The following GNB1L variants were observed in gnomAD, a reference collection of about 807,000 sequenced individuals.
GNB1L encodes G protein subunit beta 1 like, also known as guanine nucleotide-binding protein subunit beta-like protein 1.
Under a neutral mutation model 29.1 loss-of-function variants are expected in GNB1L, and 20 were observed. The observed-to-expected ratio is 0.69, with a 90% CI of 0.48 to 1.00. GNB1L has a LOEUF of 1.00. Among genes scored for constraint, GNB1L ranks in the 50% least tolerant of loss-of-function variants. The probability of loss-of-function intolerance (pLI) is 0.00; values close to 1 mark genes in which losing one functional copy is unlikely to be tolerated. For synonymous variants in GNB1L, 193 were observed against 206.5 expected, an observed-to-expected ratio of 0.93 and a Z score of 0.56; for missense variants, 421 against 464.9, an observed-to-expected ratio of 0.91 and a Z score of 0.87.
chr22:19,812,491 G>C (rs1294940551), intron 4 of GNB1L, 44 bp from the exon 5 acceptor site: 1 of 1,563,668 alleles, frequency 6.4e-7, no homozygotes, highest in Admixed American at 1.8e-5. Context: ...CCCTTGACAA[G>C]TGTCAGCTCC....
At chr22:19,803,335 C>G (rs1443621831) in intron 6 of GNB1L, among the ~76,000 whole-genome samples, 1 of 152,178 alleles carries the variant, frequency 6.6e-6, no homozygotes, top group African/African-American at 2.4e-5. Flanking sequence ...GAGTGAGGCT[C>G]CAGGAGGAGG....
At chr22:19,852,546 G>A (rs917619354) in intron 2 of GNB1L, 14 of 418,722 alleles carry the variant, frequency 3.3e-5, no homozygotes, top group Non-Finnish European at 5.6e-5. Context: ...CCACTGGACT[G>A]GTGGGAAGAG....
intron 2 of GNB1L, among the ~76,000 whole-genome samples, chr22:19,841,804 C>T (rs1033571826): frequency 6.6e-6 from 1 of 152,160 alleles, no homozygotes; most frequent in Non-Finnish European, 1.5e-5. Flanking sequence ...TTATGACCAT[C>T]GTTACTTCCA....
intron 2 of GNB1L, among the ~76,000 whole-genome samples, chr22:19,852,934 C>T (rs1025191229): frequency 2.6e-5 from 4 of 152,110 alleles, no homozygotes; most frequent in African/African-American, 4.8e-5. Context: ...ATACAGCACG[C>T]GATTATAAAC....
intron 7 of GNB1L, among the ~76,000 whole-genome samples, chr22:19,795,657 A>G (rs936089384): frequency 4.6e-5 from 7 of 152,272 alleles, no homozygotes; most frequent in Admixed American, 4.6e-4. Context: ...GAACCTACAG[A>G]TCAAAGAGAA....
chr22:19,851,669 A>G, intron 2 of GNB1L: 3 of 1,595,314 alleles, frequency 1.9e-6, no homozygotes, highest in Non-Finnish European at 2.6e-6. Flanking sequence ...GCTGGAGGCC[A>G]GGGGCAGGGG....
At chr22:19,839,734 C>A (rs1256847486) in intron 2 of GNB1L, among the ~76,000 whole-genome samples, 3 of 152,126 alleles carry the variant, frequency 2.0e-5, no homozygotes, top group Middle Eastern at 3.4e-3. Flanking sequence ...CAAAAATTAG[C>A]CCAGGCGTGG....
At chr22:19,791,669 T>A (rs1015609882) in intron 7 of GNB1L, among the ~76,000 whole-genome samples, 14 of 152,156 alleles carry the variant, frequency 9.2e-5, no homozygotes, top group African/African-American at 3.4e-4. Flanking sequence ...ATGCTCACGG[T>A]GGACTCCACA....
intron 6 of GNB1L, among the ~76,000 whole-genome samples, chr22:19,806,329 G>A (rs1438575566): frequency 1.3e-5 from 2 of 152,368 alleles, no homozygotes; most frequent in African/African-American, 2.4e-5. Flanking sequence ...AAGTACTGAG[G>A]CGCTGGCAGA....
chr22:19,822,434 C>T (rs1436886726), intron 2 of GNB1L, among the ~76,000 whole-genome samples: 1 of 152,240 alleles, frequency 6.6e-6, no homozygotes, highest in Non-Finnish European at 1.5e-5. Context: ...CACAGGGCCT[C>T]GCACTCCACC....
Position 19,788,131 on chromosome 22 carries a change from T to C in GNB1L, c.*578A>G. ...TCACAGGCACCTTTCTCTGCTTCACTCTTTAGGGAGTTCAGTTACTTCCTG... is the reference window on the plus strand; with the variant it reads ...TCACAGGCACCTTTCTCTGCTTCACCCTTTAGGGAGTTCAGTTACTTCCTG... On this transcript the variant is annotated 3_prime_UTR_variant, in exon 8 of 8. Transcript: ENST00000329517. 5.7e-6 allele frequency: 1 copy of C among 175,514 alleles called. No homozygotes were observed. The highest frequency in any genetic ancestry group is 1.2e-5 in the Non-Finnish European group (1 of 82,622). 10.9% of individuals were successfully genotyped at this position (175,514 alleles called of 1,614,324 possible). A position where few individuals can be genotyped will look rare whatever the true frequency, so the allele number is the denominator to read the frequency against.
intron 2 of GNB1L, among the ~76,000 whole-genome samples, chr22:19,845,901 T>C (rs750911640): frequency 3.9e-5 from 6 of 152,214 alleles, no homozygotes; most frequent in Non-Finnish European, 8.8e-5. Flanking sequence ...AATGGGGACA[T>C]GGATGGTTTC....
At chr22:19,793,014 A>G in intron 7 of GNB1L, 2 of 1,592,654 alleles carry the variant, frequency 1.3e-6, no homozygotes, top group South Asian at 2.2e-5. Context: ...GGGCGGCAAC[A>G]TCCTGGGTCC....
At chr22:19,813,630 G>A (rs1156264105) in intron 4 of GNB1L, among the ~76,000 whole-genome samples, 1 of 152,192 alleles carries the variant, frequency 6.6e-6, no homozygotes, top group African/African-American at 2.4e-5. Flanking sequence ...AGAGGTTGTG[G>A]TGAGCCAAGA....
intron 2 of GNB1L, among the ~76,000 whole-genome samples, chr22:19,837,856 C>A (rs1937791545): frequency 6.6e-6 from 1 of 152,006 alleles, no homozygotes; most frequent in South Asian, 2.1e-4. Flanking sequence ...GTGAAAGAAG[C>A]CAGAAAAAGA....
chr22:19,844,409 T>C (rs1162762257), intron 2 of GNB1L, among the ~76,000 whole-genome samples: 1 of 152,150 alleles, frequency 6.6e-6, no homozygotes, highest in Non-Finnish European at 1.5e-5. Context: ...GACAAGGACA[T>C]GGATTAGTTT....
chr22:19,828,844 T>C (rs1216227453), intron 2 of GNB1L, among the ~76,000 whole-genome samples: 3 of 151,514 alleles, frequency 2.0e-5, no homozygotes, highest in Non-Finnish European at 4.4e-5. Context: ...TCTTTTTTTT[T>C]TTTTTGAGAC....
rs530939409 is a variant in GNB1L at position 19,788,763 on chromosome 22, G to A, written c.930C>T (p.Ala310=). The change falls in exon 8 of 8, where the codon GCC becomes GCT. Residue 310 remains alanine (A), a synonymous_variant. Transcript: ENST00000329517. The stretch of plus-strand genomic sequence containing the variant: ...TGATCCGCTGATCCTTGGAGCCCGC[G>A]GCCAGCAAGCCATCGGCGGTGAAGG... ...CVAFTADGLL[A]AGSKDQRISL... is the part of the protein sequence containing the mutation. The A allele has an allele frequency of 9.2e-5, 148 of 1,611,968 alleles. No individual in the cohort carries two copies. The highest frequency in any genetic ancestry group is 1.7e-4 in the Middle Eastern group (1 of 6,056).
chr22:19,818,058 T>A (rs1043081099), intron 4 of GNB1L, among the ~76,000 whole-genome samples: 1 of 152,166 alleles, frequency 6.6e-6, no homozygotes, highest in Non-Finnish European at 1.5e-5. Context: ...ACAGGCCGGG[T>A]GGCGGCCCAC....
Sources: gnomAD v4.1 joint callset for allele counts (sites outside exome capture counted in the v4.1 genomes callset) on GRCh38, gnomAD v4.1.1 for gene constraint, MANE v1.5 for transcripts, NCBI Gene and HGNC (gene_info 2026-07-23, HGNC 2026-07-21) for gene names.